Variants in LRRC69 observed in about 807,000 individuals in gnomAD.
LRRC69 encodes leucine rich repeat containing 69.
In LRRC69, 42 loss-of-function variants were observed where a neutral mutation model predicts 37.8. The ratio of observed to expected loss-of-function variants is 1.11; its 90% CI spans 0.87 to 1.44. The LOEUF is 1.44. Among genes scored for constraint, LRRC69 ranks in the 40% most tolerant of loss-of-function variants. The pLI is 0.00. For missense variants in LRRC69, 357 were observed against 401.9 expected, an observed-to-expected ratio of 0.89 and a Z score of 0.96; for synonymous variants, 141 against 143.1, an observed-to-expected ratio of 0.99 and a Z score of 0.11.
chr8:91,162,718 T>A (rs996417008), intron 5 of LRRC69, among the ~76,000 whole-genome samples: 26 of 151,318 alleles, frequency 1.7e-4, no homozygotes, highest in African/African-American at 6.3e-4. Flanking sequence ...CCTGTTTAAA[T>A]CTTATAGTTG....
chr8:91,106,869 T>G (rs1813322779), intron 1 of LRRC69, among the ~76,000 whole-genome samples: 1 of 151,934 alleles, frequency 6.6e-6, no homozygotes, highest in African/African-American at 2.4e-5. Flanking sequence ...CATAGCTCAC[T>G]GCAGGCTCGA....
intron 6 of LRRC69, among the ~76,000 whole-genome samples, chr8:91,198,035 G>T (rs1289327160): frequency 6.6e-6 from 1 of 152,160 alleles, no homozygotes; most frequent in Non-Finnish European, 1.5e-5. Flanking sequence ...TGGGCATTTA[G>T]TCAATGTTAC....
At chr8:91,104,468 T>A (rs920292659) in intron 1 of LRRC69, among the ~76,000 whole-genome samples, 1 of 152,040 alleles carries the variant, frequency 6.6e-6, no homozygotes, top group Non-Finnish European at 1.5e-5. Context: ...ATTTTCTTTC[T>A]TATATGCCAT....
chr8:91,153,883 T>G (rs570855339), intron 5 of LRRC69, among the ~76,000 whole-genome samples: 1 of 151,460 alleles, frequency 6.6e-6, no homozygotes, highest in Non-Finnish European at 1.5e-5. Context: ...CTGAAGGAGA[T>G]AGAGACATGA....
rs1808859408 is a variant in LRRC69 at position 91,157,568 on chromosome 8, A to C, written c.651+21829A>C. The C allele has an allele frequency of 2.0e-6, 3 of 1,530,126 alleles. No homozygotes were observed. The East Asian group carries it at 6.8e-5, about 34-fold the overall frequency. The allele number at this position is 1,530,126 out of a possible 1,614,324, so 94.8% of individuals were successfully genotyped here. On this transcript the variant is annotated intron_variant, in intron 5 of 7. Transcript: ENST00000448384. ...AATGAGGGTTTACTCCTGGAAGATA[A>C]TATCAGAATGTTTACAACTGCACCT...
intron 1 of LRRC69, among the ~76,000 whole-genome samples, chr8:91,111,428 G>C (rs1813408915): frequency 6.6e-6 from 1 of 152,022 alleles, no homozygotes; most frequent in Non-Finnish European, 1.5e-5. Context: ...CAGCTACTCG[G>C]GAGGCTGAGG....
chr8:91,164,521 T>G (rs1426583389), intron 5 of LRRC69, among the ~76,000 whole-genome samples: 1 of 151,644 alleles, frequency 6.6e-6, no homozygotes, highest in Non-Finnish European at 1.5e-5. Flanking sequence ...TATGGTTTCA[T>G]CTATCTAGGT....
chr8:91,159,854 A>G (rs1443784942), intron 5 of LRRC69, among the ~76,000 whole-genome samples: 1 of 150,988 alleles, frequency 6.6e-6, no homozygotes, highest in African/African-American at 2.4e-5. Context: ...TTTCAAGCAT[A>G]CTTGTAAAAT....
intron 6 of LRRC69, among the ~76,000 whole-genome samples, chr8:91,192,622 T>C (rs1158363545): frequency 1.3e-5 from 2 of 152,152 alleles, no homozygotes; most frequent in Non-Finnish European, 2.9e-5. Context: ...TTTCATGTGT[T>C]TTTTGGCTGC....
intron 3 of LRRC69, among the ~76,000 whole-genome samples, chr8:91,131,365 C>A (rs1813806641): frequency 6.6e-6 from 1 of 151,638 alleles, no homozygotes; most frequent in African/African-American, 2.4e-5. Flanking sequence ...TGAGCCACAG[C>A]ACCCAGCCCA....
At chr8:91,113,972 C>CAAAAAAAAAAAAAAA in intron 1 of LRRC69, among the ~76,000 whole-genome samples, 1 of 60,486 alleles carries the variant, frequency 1.7e-5, no homozygotes, top group Non-Finnish European at 2.8e-5. Context: ...AGACTTGTCT[C>CAAAAAAAAAAAAAAA]AAAAAAAAAA....
chr8:91,158,222 G>A, intron 5 of LRRC69: 1 of 1,597,468 alleles, frequency 6.3e-7, no homozygotes, highest in Admixed American at 1.7e-5. Context: ...TTCAACTGTG[G>A]ATCAAGTTAA....
At chr8:91,120,119 C>CT (rs1442375035) in intron 1 of LRRC69, among the ~76,000 whole-genome samples, 1 of 151,902 alleles carries the variant, frequency 6.6e-6, no homozygotes, top group East Asian at 1.9e-4. Context: ...TAGTTGTTGT[C>CT]TTTGCTTTCT....
chr8:91,108,836 T>C (rs1454886888), intron 1 of LRRC69, among the ~76,000 whole-genome samples: 1 of 151,966 alleles, frequency 6.6e-6, no homozygotes, highest in Non-Finnish European at 1.5e-5. Flanking sequence ...AGCCAAAGAA[T>C]TGGACATCCC....
intron 5 of LRRC69, among the ~76,000 whole-genome samples, chr8:91,145,857 T>C (rs1199463984): frequency 6.6e-6 from 1 of 151,940 alleles, no homozygotes; most frequent in East Asian, 1.9e-4. Flanking sequence ...TCTTTCACCA[T>C]TGTAATTCTA....
At chr8:91,160,300 G>GT (rs1451630056) in intron 5 of LRRC69, among the ~76,000 whole-genome samples, 1,940 of 142,962 alleles carry the variant, frequency 0.014, 48 homozygotes, top group African/African-American at 0.046. Context: ...TTAGTTTTTT[G>GT]TTTTTTTTTT....
exon 1 of LRRC69, chr8:91,102,672 G>T: frequency 1.3e-6 from 2 of 1,550,442 alleles, no homozygotes; most frequent in South Asian, 1.2e-5. Context: ...ATGACTGAGA[G>T]ATTGTTAATA....
At chr8:91,149,628 A>G (rs958164171) in intron 5 of LRRC69, among the ~76,000 whole-genome samples, 25 of 152,054 alleles carry the variant, frequency 1.6e-4, no homozygotes, top group African/African-American at 4.3e-4. Context: ...GAAGAAAGTC[A>G]TTGTTAGCTT....
rs756337898 is a variant in LRRC69, at chr8:91,192,600, T to C, written c.753+2977T>C. Reference sequence around the variant, plus strand: ...TTTGCATTTCTCTGATGGCCAGTGATGATGAGCATTTTTTCATGTGTTTTT... The same window carrying C: ...TTTGCATTTCTCTGATGGCCAGTGACGATGAGCATTTTTTCATGTGTTTTT... On this transcript the variant is annotated intron_variant, in intron 6 of 7. Transcript: ENST00000448384. 2.0e-3 allele frequency among the ~76,000 whole-genome samples: 312 copies of C among 152,236 alleles called. 2 individuals are homozygous for C. Among genetic ancestry groups the C allele is most frequent in the Non-Finnish European group, 3.6e-3 (248 of 68,000 alleles).
Sources: allele counts gnomAD v4.1 joint callset (sites outside exome capture counted in the v4.1 genomes callset), GRCh38; gene constraint gnomAD v4.1.1; transcripts MANE v1.5; gene names NCBI Gene and HGNC (gene_info 2026-07-23, HGNC 2026-07-21).